GRIK1: variants seen among roughly 807,000 people sequenced by gnomAD.
GRIK1 encodes the protein glutamate ionotropic receptor kainate type subunit 1, also known as glutamate receptor ionotropic, kainate 1.
A neutral mutation model predicts 105.7 loss-of-function variants in GRIK1; 69 were observed. The observed-to-expected ratio is 0.65, with a 90% CI of 0.54 to 0.80. The LOEUF is 0.80. GRIK1 is among the 30% of genes least tolerant of loss of function. The pLI, the probability that GRIK1 is intolerant of heterozygous loss-of-function variation, is 0.00. For missense variants in GRIK1, 1,109 were observed against 1,167.3 expected (o/e 0.95, Z 0.73); for synonymous variants, 438 against 431.3 (o/e 1.02, Z -0.19).
intron 1 of GRIK1, among the ~76,000 whole-genome samples, chr21:29,891,556 G>A (rs1488263346): frequency 6.6e-6 from 1 of 152,108 alleles, no homozygotes; most frequent in Non-Finnish European, 1.5e-5. Context: ...AATAGCTGAA[G>A]CAATGCTCAT....
intron 4 of GRIK1, among the ~76,000 whole-genome samples, chr21:29,660,328 C>T (rs1424079071): frequency 1.3e-5 from 2 of 152,152 alleles, no homozygotes; most frequent in Non-Finnish European, 2.9e-5. Flanking sequence ...GTAAAGATGA[C>T]CAGGACGTAG....
chr21:29,624,680 G>C (rs886623632), intron 7 of GRIK1, among the ~76,000 whole-genome samples: 31 of 152,200 alleles, frequency 2.0e-4, no homozygotes, highest in Admixed American at 3.3e-4. Context: ...TGCACATAGA[G>C]GAAGTCAGTA....
chr21:29,925,012 T>C (rs184541976), intron 1 of GRIK1, among the ~76,000 whole-genome samples: 12 of 152,322 alleles, frequency 7.9e-5, no homozygotes, highest in Non-Finnish European at 1.5e-4. Context: ...ATACTATAAA[T>C]TGAAGTCTAG....
At chr21:29,619,625 T>C (rs2061940918) in intron 7 of GRIK1, among the ~76,000 whole-genome samples, 1 of 152,088 alleles carries the variant, frequency 6.6e-6, no homozygotes. Flanking sequence ...CCCTAAAACT[T>C]ATGGAAATAA....
intron 1 of GRIK1, among the ~76,000 whole-genome samples, chr21:29,750,566 T>C (rs1316058822): frequency 6.6e-6 from 1 of 152,176 alleles, no homozygotes; most frequent in Non-Finnish European, 1.5e-5. Flanking sequence ...CTTGAACTAC[T>C]GATTGCTGAG....
Position 29,563,896 on chromosome 21 carries a change from C to T in GRIK1, c.2131-2047G>A, listed in dbSNP as rs987843609. ...CCAGAGCTAATTCTGGACTCCAGCA[C>T]ACCTAATATCTAATTCAATGCTCTT... is the stretch of plus-strand genomic sequence containing the variant. On this transcript the variant is annotated intron_variant, in intron 14 of 17. Transcript: ENST00000327783. 5.3e-5 allele frequency among the ~76,000 whole-genome samples: 8 copies of T among 152,156 alleles called. No homozygotes were observed. In the East Asian group the frequency reaches 9.6e-4, roughly 18 times the overall value.
At chr21:29,815,798 T>C (rs1018343943) in intron 1 of GRIK1, among the ~76,000 whole-genome samples, 2 of 151,914 alleles carry the variant, frequency 1.3e-5, no homozygotes, top group African/African-American at 4.8e-5. Flanking sequence ...CAAAAATAAA[T>C]TCAGACTAGA....
At chr21:29,865,236 A>G (rs537536678) in intron 1 of GRIK1, among the ~76,000 whole-genome samples, 42 of 152,306 alleles carry the variant, frequency 2.8e-4, no homozygotes, top group Middle Eastern at 6.8e-3. Flanking sequence ...GTTTATTGTC[A>G]ATTCAAAATT....
intron 1 of GRIK1, among the ~76,000 whole-genome samples, chr21:29,892,227 G>A (rs913027891): frequency 3.9e-5 from 6 of 152,222 alleles, no homozygotes; most frequent in African/African-American, 1.4e-4. Flanking sequence ...AAAGTCTGGA[G>A]TTGTTGGTTT....
At chr21:29,776,693 G>T (rs2065952669) in intron 1 of GRIK1, among the ~76,000 whole-genome samples, 1 of 152,208 alleles carries the variant, frequency 6.6e-6, no homozygotes. Context: ...TTTAGAAGGG[G>T]TTGTTAGTGA....
intron 1 of GRIK1, among the ~76,000 whole-genome samples, chr21:29,851,918 T>C (rs1212201139): frequency 1.3e-5 from 2 of 152,222 alleles, no homozygotes; most frequent in African/African-American, 4.8e-5. Context: ...ACTCCTGGTA[T>C]ACTGGTTTCT....
chr21:29,771,091 A>C (rs1375575655), intron 1 of GRIK1, among the ~76,000 whole-genome samples: 1 of 152,236 alleles, frequency 6.6e-6, no homozygotes, highest in Admixed American at 6.5e-5. Context: ...ACTCTATCAA[A>C]ATATGCATAC....
chr21:29,894,953 A>C (rs1422168833), intron 1 of GRIK1, among the ~76,000 whole-genome samples: 3 of 152,220 alleles, frequency 2.0e-5, no homozygotes, highest in African/African-American at 4.8e-5. Flanking sequence ...ATAAGTAGCC[A>C]TTTAATATGT....
At chr21:29,937,760 C>T (rs910214300) in intron 1 of GRIK1, among the ~76,000 whole-genome samples, 1 of 151,362 alleles carries the variant, frequency 6.6e-6, no homozygotes, top group East Asian at 2.0e-4. Flanking sequence ...GAAATTATAA[C>T]ACACACGCTC....
At chr21:29,872,504 A>G (rs1225769613) in intron 1 of GRIK1, among the ~76,000 whole-genome samples, 2 of 152,182 alleles carry the variant, frequency 1.3e-5, no homozygotes, top group East Asian at 1.9e-4. Context: ...GTATGTGGAT[A>G]TAACTCAAAG....
intron 1 of GRIK1, among the ~76,000 whole-genome samples, chr21:29,835,967 T>C (rs2145982229): frequency 6.6e-6 from 1 of 151,704 alleles, no homozygotes; most frequent in African/African-American, 2.4e-5. Context: ...CTTTCTGACT[T>C]GATGGCAATA....
rs563320921 is a variant in GRIK1, at chr21:29,784,365, C to T, written c.119-90302G>A. Among the ~76,000 whole-genome samples, 5 of 152,228 alleles carry T rather than the reference C, an allele frequency of 3.3e-5. No individual in the cohort carries two copies. In the South Asian group the frequency reaches 1.0e-3, roughly 32 times the overall value. On this transcript the variant is annotated intron_variant, in intron 1 of 17. Transcript: ENST00000327783. ...AGGGTAAATGCGTTTGGTTTTCTGA[C>T]AGATAATAATATTGACAAATCACTC...
At chr21:29,795,027 AAT>A (rs1491139056) in intron 1 of GRIK1, among the ~76,000 whole-genome samples, 2,844 of 82,000 alleles carry the variant, frequency 0.035, 20 homozygotes, top group Middle Eastern at 0.059. Flanking sequence ...CTTTGCTCTA[AAT>A]TTTTTTTTTT....
chr21:29,716,347 G>A (rs1392801633), intron 1 of GRIK1, among the ~76,000 whole-genome samples: 1 of 152,188 alleles, frequency 6.6e-6, no homozygotes, highest in East Asian at 1.9e-4. Context: ...TGGATAACAG[G>A]CAGAGAATGG....
Sources: allele counts gnomAD v4.1 joint callset (sites outside exome capture counted in the v4.1 genomes callset), GRCh38; gene constraint gnomAD v4.1.1; transcripts MANE v1.5; gene names NCBI Gene and HGNC (gene_info 2026-07-23, HGNC 2026-07-21).